Variants in KCNAB1 observed in about 807,000 individuals in gnomAD.
KCNAB1 encodes the protein potassium voltage-gated channel subfamily A regulatory beta subunit 1, also known as voltage-gated potassium channel subunit beta-1.
KCNAB1 carries 35 observed loss-of-function variants against 64.6 expected under a neutral mutation model. The observed-to-expected ratio is 0.54, with a 90% confidence interval of 0.41 to 0.72. KCNAB1 has a LOEUF of 0.72. Among genes scored for constraint, KCNAB1 ranks in the 30% least tolerant of loss-of-function variants. KCNAB1 has a pLI of 0.00. For missense variants in KCNAB1, 401 were observed against 512.9 expected, an observed-to-expected ratio of 0.78 and a Z score of 2.11; for synonymous variants, 177 against 183.8, an observed-to-expected ratio of 0.96 and a Z score of 0.30.
chr3:156,191,691 AT>A (rs892951036), intron 1 of KCNAB1, among the ~76,000 whole-genome samples: 39 of 152,326 alleles, frequency 2.6e-4, no homozygotes, highest in African/African-American at 9.4e-4. Context: ...TTTCAAAAAA[AT>A]GTCTTCTTTT....
intron 1 of KCNAB1, chr3:156,291,295 C>A: frequency 1.0e-6 from 1 of 989,856 alleles, no homozygotes; most frequent in Non-Finnish European, 1.2e-6. Context: ...CCCCCACGTC[C>A]TCCCGGAGCG....
intron 1 of KCNAB1, among the ~76,000 whole-genome samples, chr3:156,328,269 T>C (rs1234574502): frequency 1.3e-5 from 2 of 152,118 alleles, no homozygotes; most frequent in Non-Finnish European, 2.9e-5. Context: ...AAAAAGAGTT[T>C]GGGCTCTATT....
At chr3:156,437,616 A>AT (rs950043388) in intron 2 of KCNAB1, among the ~76,000 whole-genome samples, 21 of 151,320 alleles carry the variant, frequency 1.4e-4, no homozygotes, top group South Asian at 2.1e-4. Context: ...TGCTGATATT[A>AT]TTTTTTTTTA....
chr3:156,128,007 G>A (rs773401775), intron 1 of KCNAB1, among the ~76,000 whole-genome samples: 1 of 151,956 alleles, frequency 6.6e-6, no homozygotes, highest in Non-Finnish European at 1.5e-5. Context: ...TTGCCCAGAG[G>A]GTTCTTTCCT....
intron 8 of KCNAB1, among the ~76,000 whole-genome samples, chr3:156,504,666 G>A (rs541674699): frequency 4.2e-4 from 63 of 149,152 alleles, no homozygotes; most frequent in Middle Eastern, 3.5e-3. Flanking sequence ...CTGTTGGCCC[G>A]TTGTATGTCT....
At chr3:156,536,500 A>T in intron 13 of KCNAB1, 158 bp from the exon 14 acceptor site, 1 of 622,328 alleles carries the variant, frequency 1.6e-6, no homozygotes, top group Non-Finnish European at 2.9e-6. Context: ...GACCTCAAGG[A>T]GCTTACAATG....
At chr3:156,512,427 C>T (rs1296350965) in intron 8 of KCNAB1, among the ~76,000 whole-genome samples, 1 of 152,216 alleles carries the variant, frequency 6.6e-6, no homozygotes, top group Non-Finnish European at 1.5e-5. Flanking sequence ...GAGGCCAGGT[C>T]CAGTTTATTC....
chr3:156,314,700 A>G (rs1395855116), intron 1 of KCNAB1, among the ~76,000 whole-genome samples: 1 of 152,260 alleles, frequency 6.6e-6, no homozygotes, highest in African/African-American at 2.4e-5. Flanking sequence ...TCAAGATGCA[A>G]ATAATTAATT....
At chr3:156,437,678 G>A (rs1348857109) in intron 2 of KCNAB1, among the ~76,000 whole-genome samples, 2 of 152,066 alleles carry the variant, frequency 1.3e-5, no homozygotes, top group Non-Finnish European at 2.9e-5. Context: ...GTCATTTGCT[G>A]CCACTGGGAT....
intron 1 of KCNAB1, among the ~76,000 whole-genome samples, chr3:156,180,206 T>C (rs998333427): frequency 2.0e-5 from 3 of 152,226 alleles, no homozygotes; most frequent in Non-Finnish European, 4.4e-5. Context: ...TCCTATAAAG[T>C]AGTTATGGAC....
At chr3:156,478,704 C>G (rs748147161) in intron 8 of KCNAB1, among the ~76,000 whole-genome samples, 92 of 152,232 alleles carry the variant, frequency 6.0e-4, no homozygotes, top group Admixed American at 2.6e-4. Flanking sequence ...TGATGTTAAT[C>G]GGGAACATTT....
chr3:156,255,375 T>C (rs942905277), intron 1 of KCNAB1, among the ~76,000 whole-genome samples: 2 of 152,214 alleles, frequency 1.3e-5, no homozygotes. Flanking sequence ...AGGCGTAAGA[T>C]AGAACTGCTG....
chr3:156,361,437 CTT>C (rs1725605602), intron 1 of KCNAB1, among the ~76,000 whole-genome samples: 1 of 152,102 alleles, frequency 6.6e-6, no homozygotes, highest in South Asian at 2.1e-4. Flanking sequence ...CACCACCTGA[CTT>C]TATCACCCCT....
Position 156,331,373 on chromosome 3 carries a change from G to A in KCNAB1, c.276-90243G>A, listed in dbSNP as rs529722933. 2.0e-5 allele frequency among the ~76,000 whole-genome samples: 3 copies of A among 152,184 alleles called. No homozygotes were observed. The East Asian group carries it at 5.8e-4, about 29-fold the overall frequency. ...GGTTATTGTGCAGATCAGTGGTACCGAATTGCTGGACAGAGGTCCAAGCTA... is the reference window on the plus strand; with the variant it reads ...GGTTATTGTGCAGATCAGTGGTACCAAATTGCTGGACAGAGGTCCAAGCTA... On this transcript the variant is annotated intron_variant, in intron 1 of 13. Coordinates refer to ENST00000490337, the MANE Select transcript of KCNAB1 (RefSeq NM_172160.3).
At chr3:156,382,796 G>A (rs879789791) in intron 1 of KCNAB1, among the ~76,000 whole-genome samples, 9 of 152,302 alleles carry the variant, frequency 5.9e-5, no homozygotes, top group Admixed American at 5.9e-4. Context: ...ACCACTTTGG[G>A]ATCTCCAAGT....
intron 1 of KCNAB1, among the ~76,000 whole-genome samples, chr3:156,210,572 A>G (rs1370274457): frequency 1.3e-5 from 2 of 152,242 alleles, no homozygotes; most frequent in African/African-American, 2.4e-5. Context: ...ATTGATCACC[A>G]TGATGTGCCT....
At chr3:156,242,902 TTTTTA>T (rs1223697285) in intron 1 of KCNAB1, among the ~76,000 whole-genome samples, 5 of 151,838 alleles carry the variant, frequency 3.3e-5, no homozygotes, top group East Asian at 3.9e-4. Flanking sequence ...TATTATTTAT[TTTTTA>T]TTTTATTTTA....
At chr3:156,150,113 A>C (rs1398084592) in intron 1 of KCNAB1, among the ~76,000 whole-genome samples, 1 of 152,104 alleles carries the variant, frequency 6.6e-6, no homozygotes, top group East Asian at 1.9e-4. Flanking sequence ...ATATTTCTGG[A>C]GGAAAGTAGA....
In KCNAB1 at chr3:156,375,515, A is replaced by G. The variant is rs1383311531; in HGVS notation, c.276-46101A>G. ...AAACATAGGTAAGCAAATCAAAACA[A>G]CGTTAATACATGTTATAATTCTTTA... On this transcript the variant is annotated intron_variant, in intron 1 of 13. Coordinates refer to ENST00000490337, the MANE Select transcript of KCNAB1 (RefSeq NM_172160.3). 2.2e-4 allele frequency among the ~76,000 whole-genome samples: 30 copies of G among 135,592 alleles called. 6 individuals carry two copies. The highest frequency in any genetic ancestry group is 2.1e-3 in the Admixed American group (30 of 14,394). The allele number at this position is 135,592 out of a possible 152,430, so 89.0% of individuals were successfully genotyped here. A position where few individuals can be genotyped will look rare whatever the true frequency, so the allele number is the denominator to read the frequency against.
Sources: allele counts gnomAD v4.1 joint callset (sites outside exome capture counted in the v4.1 genomes callset), GRCh38; gene constraint gnomAD v4.1.1; transcripts MANE v1.5; gene names NCBI Gene and HGNC (gene_info 2026-07-23, HGNC 2026-07-21).